Variants in CR2 observed in about 807,000 individuals in gnomAD.
CR2 encodes complement receptor type 2.
In CR2, 96 loss-of-function variants were observed where a neutral mutation model predicts 123.0. The observed-to-expected ratio is 0.78, with a 90% CI of 0.66 to 0.93. CR2 has a LOEUF of 0.93. Among genes scored for constraint, CR2 ranks in the 40% least tolerant of loss-of-function variants. The probability of loss-of-function intolerance (pLI) is 0.00; values close to 1 mark genes in which losing one functional copy is unlikely to be tolerated. For synonymous variants in CR2, 484 were observed against 469.5 expected (o/e 1.03, Z -0.40); for missense variants, 1,258 against 1,361.0 (o/e 0.92, Z 1.19).
In CR2 at chr1:207,462,817, G is replaced by T. The variant is rs540596061; in HGVS notation, c.59-3709G>T. Among the ~76,000 whole-genome samples, 8 of 152,270 alleles carry T rather than the reference G, an allele frequency of 5.3e-5. No individual in the cohort carries two copies. In the East Asian group the frequency reaches 1.5e-3, roughly 29 times the overall value. On this transcript the variant is annotated intron_variant, in intron 1 of 19. Transcript: ENST00000367057. ...TCACTGTGAGATTTTTAAGGCAGAA[G>T]ACTTGGTAGATGATATCATAGATTA...
At chr1:207,487,369 CT>C (rs1213528165) in intron 19 of CR2, among the ~76,000 whole-genome samples, 4 of 152,140 alleles carry the variant, frequency 2.6e-5, no homozygotes, top group Non-Finnish European at 5.9e-5. Context: ...TCACTGCAGC[CT>C]CTACTTCCTA....
At chr1:207,471,330 G>T in intron 8 of CR2, 93 bp from the exon 9 acceptor site, 1 of 1,044,114 alleles carries the variant, frequency 9.6e-7, no homozygotes, top group Non-Finnish European at 1.5e-6. Flanking sequence ...TTGCTTCTTG[G>T]CCTGAAAGTA....
chr1:207,478,590 A>G (rs4844596), intron 16 of CR2, among the ~76,000 whole-genome samples: 71,314 of 148,904 alleles, frequency 0.48, 18,476 homozygotes, highest in East Asian at 0.71. Flanking sequence ...AAAGGAAAAG[A>G]AAAAACACAA....
rs201976068 is a variant in CR2, at chr1:207,472,248, C to CA, written c.1571-514dup. Among the ~76,000 whole-genome samples, 185 of 144,660 alleles carry CA rather than the reference C, an allele frequency of 1.3e-3. 2 individuals are homozygous for CA. The highest frequency in any genetic ancestry group is 8.7e-3 in the Admixed American group (127 of 14,560). The allele number at this position is 144,660 out of a possible 152,430, so 94.9% of individuals were successfully genotyped here. On this transcript the variant is annotated intron_variant, in intron 9 of 19. Transcript: ENST00000367057. The stretch of plus-strand genomic sequence containing the variant: ...TAGGCAACAGCGTGAGACTCCATCT[C>CA]AAAAAAAAAAGTAAAAAGAAACGTA...
intron 1 of CR2, among the ~76,000 whole-genome samples, chr1:207,458,082 A>ACACACACACACG (rs1657883309): frequency 6.6e-6 from 1 of 151,266 alleles, no homozygotes; most frequent in Non-Finnish European, 1.5e-5. Flanking sequence ...ACACACACAC[A>ACACACACACACG]CACACACACA....
At chr1:207,469,316 T>C (rs1658196998) in intron 5 of CR2, 84 bp downstream of exon 5, 2 of 1,012,846 alleles carry the variant, frequency 2.0e-6, no homozygotes, top group South Asian at 1.3e-5. Context: ...TTACAGACTC[T>C]TACTGAACAC....
chr1:207,474,294 T>C lies in CR2; in HGVS notation c.2294T>C (p.Ile765Thr). The C allele has an allele frequency of 6.2e-7, 1 of 1,613,460 alleles. No homozygotes were observed. The highest frequency in any genetic ancestry group is 8.5e-7 in the Non-Finnish European group (1 of 1,179,544). The change falls in exon 13 of 20, where the codon ATT becomes ACT. Residue 765 changes from isoleucine to threonine, a missense_variant. Transcript: ENST00000367057. Reference sequence around the variant, plus strand: ...ATGTGTCAAGATGCTGAAAATGGAATTTGGTTCAAAAAGATTCCACTTTGT... The same window carrying C: ...ATGTGTCAAGATGCTGAAAATGGAACTTGGTTCAAAAAGATTCCACTTTGT... ...YQMCQDAENG[I>T]WFKKIPLCKV...
At chr1:207,460,171 A>G (rs1325574311) in intron 1 of CR2, among the ~76,000 whole-genome samples, 1 of 152,232 alleles carries the variant, frequency 6.6e-6, no homozygotes, top group Non-Finnish European at 1.5e-5. Context: ...TAGTATCAGG[A>G]TCATGAAGTT....
At position 207,454,810 on chromosome 1, in the gene CR2, G is replaced by T; in HGVS notation, c.58+334G>T. Reference sequence around the variant, plus strand: ...TTCTGCAGGTGCTCATCGCTCTCTGGCCGGCGGTCAGCGCTACCGCTCGCC... The same window carrying T: ...TTCTGCAGGTGCTCATCGCTCTCTGTCCGGCGGTCAGCGCTACCGCTCGCC... On this transcript the variant is annotated intron_variant, in intron 1 of 19. Transcript: ENST00000367057. The surrounding 1 kb of genome is among the most constrained non-coding windows in gnomAD (Gnocchi z 4.3). 1 of 293,282 alleles carries T rather than the reference G, an allele frequency of 3.4e-6. No individual in the cohort carries two copies. The highest frequency in any genetic ancestry group is 6.4e-6 in the Non-Finnish European group (1 of 156,520). 18.2% of individuals were successfully genotyped at this position (293,282 alleles called of 1,614,324 possible).
intron 18 of CR2, among the ~76,000 whole-genome samples, chr1:207,482,321 A>G (rs930677657): frequency 2.0e-5 from 3 of 152,126 alleles, no homozygotes; most frequent in Non-Finnish European, 2.9e-5. Context: ...CTTCCACTGA[A>G]CAACTGCTGG....
chr1:207,477,949 G>A lies in CR2; in HGVS notation c.2967G>A (p.Met989Ile), dbSNP rs146465618. Residue 989 changes from methionine to isoleucine, a missense_variant, in exon 16 of 20, where the codon ATG (methionine) becomes ATA (isoleucine). Coordinates refer to ENST00000367057, the MANE Select transcript of CR2 (RefSeq NM_001006658.3). Reference sequence around the variant, plus strand: ...AGAAAGGGCTGGAACCAAGGAAAATGTATCAGTATGGAGCTGTTGTAACTC... The same window carrying A: ...AGAAAGGGCTGGAACCAAGGAAAATATATCAGTATGGAGCTGTTGTAACTC... ...GIQKGLEPRK[M>I]YQYGAVVTLE... 1.3e-4 allele frequency: 202 copies of A among 1,614,088 alleles called. No individual in the cohort carries two copies. The highest frequency in any genetic ancestry group is 9.9e-4 in the Middle Eastern group (6 of 6,058).
Position 207,470,245 on chromosome 1 carries a change from G to A in CR2, c.1225+143G>A, listed in dbSNP as rs373082926. ...ATCTAATCAATATAAATTTTGTAGAGGGCATTCTTATCACTAGCCCCCCAC... is the reference window on the plus strand; with the variant it reads ...ATCTAATCAATATAAATTTTGTAGAAGGCATTCTTATCACTAGCCCCCCAC... On this transcript the variant is annotated intron_variant, in intron 6 of 19. Coordinates refer to ENST00000367057, the MANE Select transcript of CR2 (RefSeq NM_001006658.3). The A allele has an allele frequency of 1.3e-3, 1,213 of 917,836 alleles. 6 individuals are homozygous for A. The highest frequency in any genetic ancestry group is 0.012 in the African/African-American group (720 of 60,088). 56.9% of individuals were successfully genotyped at this position (917,836 alleles called of 1,614,324 possible). A position where few individuals can be genotyped will look rare whatever the true frequency, so the allele number is the denominator to read the frequency against.
intron 18 of CR2, among the ~76,000 whole-genome samples, chr1:207,484,126 C>T (rs1658683513): frequency 6.6e-6 from 1 of 152,180 alleles, no homozygotes; most frequent in South Asian, 2.1e-4. Context: ...CTATCTCTTT[C>T]CTTCATGCTA....
chr1:207,484,192 G>A (rs576432292), intron 18 of CR2, among the ~76,000 whole-genome samples: 1 of 152,278 alleles, frequency 6.6e-6, no homozygotes, highest in South Asian at 2.1e-4. Context: ...TTTGGGGAAT[G>A]CTTACAAGTG....
chr1:207,488,626 A>C (rs1359310177), intron 19 of CR2, among the ~76,000 whole-genome samples: 5 of 152,212 alleles, frequency 3.3e-5, no homozygotes, highest in Admixed American at 3.3e-4. Flanking sequence ...CCATCTCAAA[A>C]TAAAATAAAA....
intron 2 of CR2, 28 bp from the exon 3 acceptor site, chr1:207,468,498 CT>C: frequency 2.5e-6 from 4 of 1,608,260 alleles, no homozygotes; most frequent in South Asian, 1.1e-5. Context: ...CATCTGACGG[CT>C]TTTTTTTCCT....
rs1200735589 is a variant in CR2, at chr1:207,489,421, T to C, written c.*298T>C. 6.6e-6 allele frequency: 1 copy of C among 152,244 alleles called. No homozygotes were observed. Among genetic ancestry groups the C allele is most frequent in the African/African-American group, 2.4e-5 (1 of 41,470 alleles). 9.4% of individuals were successfully genotyped at this position (152,244 alleles called of 1,614,324 possible). On this transcript the variant is annotated 3_prime_UTR_variant, in exon 20 of 20. Coordinates refer to ENST00000367057, the MANE Select transcript of CR2 (RefSeq NM_001006658.3). ...CATGGCTCTAAAAAGTTTTGCCCTT[T>C]TTAAGGAAGGCACTAAAAAGAGCTG... is the stretch of plus-strand genomic sequence containing the variant.
chr1:207,488,276 G>T (rs921175536), intron 19 of CR2, among the ~76,000 whole-genome samples: 57 of 152,178 alleles, frequency 3.7e-4, no homozygotes, highest in African/African-American at 1.4e-3. Flanking sequence ...CATTGGCAAA[G>T]GTGGAATGCA....
At chr1:207,474,006 T>C in intron 12 of CR2, 121 bp downstream of exon 12, 1 of 979,004 alleles carries the variant, frequency 1.0e-6, no homozygotes, top group Non-Finnish European at 1.6e-6. Context: ...GCATGGAGAA[T>C]ATGAGGTTCC....
Sources: gnomAD v4.1 joint callset for allele counts (sites outside exome capture counted in the v4.1 genomes callset) on GRCh38, gnomAD v4.1.1 for gene constraint, Gnocchi (gnomAD v3.1) non-coding constraint, MANE v1.5 for transcripts, NCBI Gene and HGNC (gene_info 2026-07-23, HGNC 2026-07-21) for gene names.